Variants in LPP observed in about 807,000 individuals in gnomAD.
LPP encodes LIM domain containing preferred translocation partner in lipoma.
A neutral mutation model predicts 60.4 loss-of-function variants in LPP; 38 were observed. The ratio of observed to expected loss-of-function variants is 0.63; its 90% CI spans 0.49 to 0.83. The LOEUF (loss-of-function observed/expected upper bound fraction) is 0.83. Among genes scored for constraint, LPP ranks in the 40% least tolerant of loss-of-function variants. The probability of loss-of-function intolerance (pLI) is 0.00; values close to 1 mark genes in which losing one functional copy is unlikely to be tolerated. For synonymous variants in LPP, 328 were observed against 290.8 expected (o/e 1.13, Z -1.30); for missense variants, 902 against 783.6 (o/e 1.15, Z -1.80).
chr3:188,799,523 T>C (rs1211177291), intron 9 of LPP, among the ~76,000 whole-genome samples: 3 of 152,230 alleles, frequency 2.0e-5, no homozygotes, highest in East Asian at 1.9e-4. Flanking sequence ...TAACAGAGAC[T>C]TGCTATTTTA....
rs754667285 is a variant in LPP at position 188,801,229 on chromosome 3, A to G, written c.1410+40947A>G. ...TCTGTCCTAGGCTCTACAATGTAGC[A>G]TTTTCAAATTGGAAGAGCCTTCAGA... On this transcript the variant is annotated intron_variant, in intron 9 of 11. Transcript: ENST00000617246. Among the ~76,000 whole-genome samples, 136 of 152,288 alleles carry G rather than the reference A, an allele frequency of 8.9e-4. 1 individual carries two copies. Among genetic ancestry groups the G allele is most frequent in the Admixed American group, 2.3e-3 (35 of 15,304 alleles).
intron 6 of LPP, among the ~76,000 whole-genome samples, chr3:188,584,791 G>A (rs1350337464): frequency 1.3e-5 from 2 of 149,476 alleles, no homozygotes; most frequent in Admixed American, 6.7e-5. Context: ...ATCTTACTTC[G>A]GAGCCCCAGA....
At chr3:188,620,019 A>G (rs1845517919) in intron 7 of LPP, among the ~76,000 whole-genome samples, 1 of 152,092 alleles carries the variant, frequency 6.6e-6, no homozygotes, top group Admixed American at 6.6e-5. Flanking sequence ...CCCACATATT[A>G]TTAGCTTATC....
At chr3:188,328,327 C>T (rs74599569) in intron 2 of LPP, among the ~76,000 whole-genome samples, 47 of 152,254 alleles carry the variant, frequency 3.1e-4, no homozygotes, top group Non-Finnish European at 5.9e-4. Context: ...TGGTCACTCA[C>T]TTATTCAGTT....
chr3:188,204,025 G>A (rs114299650), intron 1 of LPP, among the ~76,000 whole-genome samples: 1 of 152,126 alleles, frequency 6.6e-6, no homozygotes, highest in African/African-American at 2.4e-5. Context: ...GGGAATTGGT[G>A]GGGCCATCTT....
chr3:188,282,649 C>A (rs768520171), intron 2 of LPP, among the ~76,000 whole-genome samples: 1 of 152,114 alleles, frequency 6.6e-6, no homozygotes, highest in Non-Finnish European at 1.5e-5. Context: ...TTCCTTTTGG[C>A]CCCTGCCTCT....
intron 2 of LPP, among the ~76,000 whole-genome samples, chr3:188,260,487 T>TTTA (rs148739500): frequency 0.021 from 3,157 of 151,796 alleles, 51 homozygotes; most frequent in Non-Finnish European, 0.032. Context: ...AAGTGGGCTG[T>TTTA]TTATTATTAT....
intron 8 of LPP, chr3:188,711,484 G>A (rs1711511930): frequency 2.6e-5 from 4 of 152,186 alleles, no homozygotes; most frequent in Non-Finnish European, 2.9e-5. Context: ...AAGCTAGCCA[G>A]GCTACATATT....
chr3:188,484,472 A>C (rs1200153686), intron 4 of LPP, 120 bp from the exon 5 acceptor site: 6 of 671,904 alleles, frequency 8.9e-6, no homozygotes, highest in Non-Finnish European at 1.1e-5. Context: ...AATAATTGCT[A>C]TACAACACAA....
chr3:188,539,248 C>T (rs1013408356), intron 6 of LPP, among the ~76,000 whole-genome samples: 6 of 152,110 alleles, frequency 3.9e-5, no homozygotes, highest in Non-Finnish European at 7.3e-5. Flanking sequence ...GGAGTGGCCT[C>T]CACTCTGAAT....
At chr3:188,687,825 G>A (rs1913712) in intron 7 of LPP, among the ~76,000 whole-genome samples, 96,969 of 145,982 alleles carry the variant, frequency 0.66, 33,296 homozygotes, top group Middle Eastern at 0.78. Flanking sequence ...CCCAGGCTGG[G>A]GTGCAGTGGC....
intron 2 of LPP, among the ~76,000 whole-genome samples, chr3:188,326,191 T>C (rs1277544374): frequency 6.6e-6 from 1 of 152,204 alleles, no homozygotes; most frequent in African/African-American, 2.4e-5. Context: ...TGGTTGGAAA[T>C]ACCAGGTCTT....
Position 188,371,718 on chromosome 3 carries a change from G to A in LPP, c.-10+29999G>A, listed in dbSNP as rs1341105682. 5.3e-5 allele frequency among the ~76,000 whole-genome samples: 7 copies of A among 132,804 alleles called. No individual in the cohort carries two copies. In the South Asian group the frequency reaches 1.0e-3, roughly 19 times the overall value. The allele number at this position is 132,804 out of a possible 152,430, so 87.1% of individuals were successfully genotyped here. ...CGCCCAGGCTGGAGTGCAGTGGCGC[G>A]ATCTCAACTCACCACAACCTCTGCT... On this transcript the variant is annotated intron_variant, in intron 3 of 11. Coordinates refer to ENST00000617246, the MANE Select transcript of LPP (RefSeq NM_001375462.1).
At chr3:188,859,369 A>G (rs1217689849) in intron 9 of LPP, among the ~76,000 whole-genome samples, 2 of 152,116 alleles carry the variant, frequency 1.3e-5, no homozygotes, top group Non-Finnish European at 2.9e-5. Flanking sequence ...GACCACCACC[A>G]TACTGCCTGC....
At chr3:188,681,429 A>G (rs1859490560) in intron 7 of LPP, among the ~76,000 whole-genome samples, 1 of 152,148 alleles carries the variant, frequency 6.6e-6, no homozygotes. Context: ...AAGGTTCAGG[A>G]AGAGCCTTTC....
intron 1 of LPP, among the ~76,000 whole-genome samples, chr3:188,195,358 A>G (rs1299507491): frequency 1.3e-5 from 2 of 152,216 alleles, no homozygotes; most frequent in Admixed American, 1.3e-4. Flanking sequence ...CGTTAATATT[A>G]AGTTATACCA....
At chr3:188,847,728 G>A (rs58674811) in intron 9 of LPP, among the ~76,000 whole-genome samples, 3,497 of 152,236 alleles carry the variant, frequency 0.023, 116 homozygotes, top group African/African-American at 0.079. Context: ...TCAAGAAATT[G>A]GGATATTTGA....
intron 2 of LPP, among the ~76,000 whole-genome samples, chr3:188,287,455 C>T (rs985888147): frequency 1.4e-4 from 22 of 152,260 alleles, no homozygotes; most frequent in African/African-American, 5.1e-4. Context: ...TTCTCAATTC[C>T]CTGCTCTTTC....
chr3:188,598,615 T>C (rs1290571712), intron 6 of LPP, among the ~76,000 whole-genome samples: 1 of 152,208 alleles, frequency 6.6e-6, no homozygotes, highest in African/African-American at 2.4e-5. Context: ...TTTGTCAATA[T>C]ACATATGAAC....
Sources: allele counts gnomAD v4.1 joint callset (sites outside exome capture counted in the v4.1 genomes callset), GRCh38; gene constraint gnomAD v4.1.1; transcripts MANE v1.5; gene names NCBI Gene and HGNC (gene_info 2026-07-23, HGNC 2026-07-21).